The following RASA2 variants were observed in gnomAD, a reference collection of about 807,000 sequenced individuals.
The protein encoded by RASA2 is ras GTPase-activating protein 2.
RASA2 carries 155 observed loss-of-function variants against 118.2 expected under a neutral mutation model. That is an observed-to-expected ratio of 1.31 (90% CI 1.15 to 1.50). The LOEUF (loss-of-function observed/expected upper bound fraction) is 1.50, where lower values mean the gene tolerates loss of function less well. Ranked by LOEUF, RASA2 falls within the 40% of genes most tolerant of loss-of-function variation. RASA2 has a pLI of 0.00. For missense variants in RASA2, 1,016 were observed against 1,009.6 expected, an observed-to-expected ratio of 1.01 and a Z score of -0.09; for synonymous variants, 353 against 349.1, an observed-to-expected ratio of 1.01 and a Z score of -0.12.
intron 9 of RASA2, among the ~76,000 whole-genome samples, chr3:141,565,621 G>C (rs1029876795): frequency 1.3e-5 from 2 of 152,150 alleles, no homozygotes; most frequent in African/African-American, 4.8e-5. Flanking sequence ...CTTGCCTGCC[G>C]CATGTAAGAC....
intron 9 of RASA2, among the ~76,000 whole-genome samples, chr3:141,562,545 C>T (rs2082748381): frequency 4.4e-5 from 4 of 90,920 alleles, no homozygotes; most frequent in Non-Finnish European, 4.4e-5. Context: ...ATTGCGTGCA[C>T]CTGGGAGCGG....
At chr3:141,557,672 G>C (rs1346838578) in intron 7 of RASA2, among the ~76,000 whole-genome samples, 1 of 152,124 alleles carries the variant, frequency 6.6e-6, no homozygotes, top group East Asian at 1.9e-4. Flanking sequence ...TAGGGAGAAA[G>C]AACAAAGCTG....
chr3:141,521,600 T>C (rs1192599855), intron 3 of RASA2, among the ~76,000 whole-genome samples: 2 of 152,322 alleles, frequency 1.3e-5, no homozygotes, highest in East Asian at 3.9e-4. Context: ...GTTTTTTGTT[T>C]ATTTTGAAAG....
chr3:141,501,876 G>A (rs1256734170), intron 1 of RASA2, among the ~76,000 whole-genome samples: 1 of 150,244 alleles, frequency 6.7e-6, no homozygotes, highest in Non-Finnish European at 1.5e-5. Flanking sequence ...TTTTGTTGTT[G>A]TTGTGAATGT....
chr3:141,522,022 A>T (rs1262519280), intron 3 of RASA2, among the ~76,000 whole-genome samples: 1 of 152,094 alleles, frequency 6.6e-6, no homozygotes, highest in Non-Finnish European at 1.5e-5. Context: ...TAGAATTTAG[A>T]GAATCATCTT....
At chr3:141,524,905 T>G (rs887864638) in intron 3 of RASA2, among the ~76,000 whole-genome samples, 4 of 152,076 alleles carry the variant, frequency 2.6e-5, no homozygotes, top group African/African-American at 9.7e-5. Context: ...ACTGTTTTTA[T>G]CTCCTCTTTT....
rs372423104 is a variant in RASA2, at chr3:141,504,394, T to C, written c.134-7769T>C. On this transcript the variant is annotated intron_variant, in intron 1 of 23. Transcript: ENST00000286364. The stretch of plus-strand genomic sequence containing the variant: ...CTCAGATTTAATATTCAATACAGTC[T>C]CTTGAATTTGGTCCCCAACAAGAGG... Among the ~76,000 whole-genome samples the C allele has an allele frequency of 9.2e-5, 14 of 152,234 alleles. 1 individual carries two copies. In the East Asian group the frequency reaches 9.6e-4, roughly 10 times the overall value.
chr3:141,521,055 G>T (rs1328522837), intron 3 of RASA2, among the ~76,000 whole-genome samples: 3 of 152,208 alleles, frequency 2.0e-5, no homozygotes, highest in Non-Finnish European at 4.4e-5. Flanking sequence ...GTGAGAAGGG[G>T]AGAGGATGAC....
intron 1 of RASA2, 127 bp from the exon 2 acceptor site, chr3:141,512,036 T>C: frequency 1.5e-6 from 1 of 647,174 alleles, no homozygotes. Flanking sequence ...CTTTCTGTAA[T>C]CACTAGTGTT....
At position 141,487,086 on chromosome 3, in the gene RASA2, G is replaced by GGCGGCGGCGGCGCCTGCTGCT. The variant is rs1194909078; in HGVS notation, c.12_32dup (p.Ala5_Ala11dup). 3.4e-4 allele frequency: 458 copies of GGCGGCGGCGGCGCCTGCTGCT among 1,357,036 alleles called. No individual in the cohort carries two copies. The African/African-American group carries it at 4.8e-3, about 14-fold the overall frequency. The allele number at this position is 1,357,036 out of a possible 1,614,324, so 84.1% of individuals were successfully genotyped here. A position where few individuals can be genotyped will look rare whatever the true frequency, so the allele number is the denominator to read the frequency against. The stretch of plus-strand genomic sequence containing the variant: ...TGCGGCACGGGCCGGGCGGCACCAT[G>GGCGGCGGCGGCGCCTGCTGCT]GCGGCGGCGGCGCCTGCTGCTGCGG... On this transcript the variant is annotated inframe_insertion, in exon 1 of 24. Transcript: ENST00000286364.
Position 141,571,526 on chromosome 3 carries a change from G to A in RASA2, c.1141G>A (p.Val381Met), listed in dbSNP as rs762057353. The A allele has an allele frequency of 1.2e-6, 2 of 1,612,682 alleles. No individual in the cohort carries two copies. Among genetic ancestry groups the A allele is most frequent in the African/African-American group, 1.3e-5 (1 of 74,854 alleles). Residue 381 changes from valine (V) to methionine (M), a missense_variant, in exon 11 of 24, where the codon GTG (valine) becomes ATG (methionine). By Grantham distance (21) the Val-to-Met change is conservative (BLOSUM62 1). Coordinates refer to ENST00000286364, the MANE Select transcript of RASA2 (RefSeq NM_006506.5). ...TAAACTTGTTCCTTTTGCCACTGCT[G>A]TGGCTGAATTAGACTTGAAGGATAC... The part of the protein sequence containing the change: ...HDKLVPFATA[V>M]AELDLKDTQD...
At chr3:141,493,294 C>T (rs2081660637) in intron 1 of RASA2, among the ~76,000 whole-genome samples, 1 of 152,140 alleles carries the variant, frequency 6.6e-6, no homozygotes, top group African/African-American at 2.4e-5. Flanking sequence ...TTCTTAAGAA[C>T]TTTGTGAAGT....
At chr3:141,532,697 A>G (rs182133603) in intron 4 of RASA2, among the ~76,000 whole-genome samples, 155 of 152,304 alleles carry the variant, frequency 1.0e-3, no homozygotes, top group African/African-American at 3.4e-3. Flanking sequence ...TGACTACCGC[A>G]TAAAATAATT....
At position 141,549,389 on chromosome 3, in the gene RASA2, C is replaced by T. The variant is rs1371138449; in HGVS notation, c.528-4468C>T. 3.9e-5 allele frequency among the ~76,000 whole-genome samples: 6 copies of T among 152,236 alleles called. No homozygotes were observed. In the East Asian group the frequency reaches 1.2e-3, roughly 29 times the overall value. The stretch of plus-strand genomic sequence containing the variant: ...ACCTCATCTCTGCCCACCCATACCC[C>T]AGTCCTTTTTATCATTCCCATTCCT... On this transcript the variant is annotated intron_variant, in intron 5 of 23. Transcript: ENST00000286364.
At chr3:141,540,449 C>A in intron 4 of RASA2, 84 bp from the exon 5 acceptor site, 1 of 1,094,674 alleles carries the variant, frequency 9.1e-7, no homozygotes, top group Non-Finnish European at 1.4e-6. Context: ...TGGATAAATA[C>A]TGTGGTGATT....
intron 3 of RASA2, chr3:141,525,916 TA>T (rs997295730): frequency 1.3e-5 from 2 of 152,162 alleles, no homozygotes; most frequent in African/African-American, 4.8e-5. Context: ...ATCATTAAGT[TA>T]AAAGTCATTC....
intron 7 of RASA2, among the ~76,000 whole-genome samples, chr3:141,556,806 T>A (rs746175619): frequency 6.6e-6 from 1 of 152,026 alleles, no homozygotes; most frequent in Non-Finnish European, 1.5e-5. Flanking sequence ...CCTCTAGTCA[T>A]GCCTGATTGC....
chr3:141,580,909 T>C (rs537891755), intron 16 of RASA2, among the ~76,000 whole-genome samples, 191 bp from the exon 17 acceptor site: 4 of 151,552 alleles, frequency 2.6e-5, no homozygotes, highest in African/African-American at 9.7e-5. Context: ...TGCAGGACAG[T>C]CTGTCTGTCT....
At chr3:141,583,777 G>C (rs1052724235) in intron 17 of RASA2, among the ~76,000 whole-genome samples, 1 of 152,178 alleles carries the variant, frequency 6.6e-6, no homozygotes, top group Non-Finnish European at 1.5e-5. Context: ...TTCCACTTTA[G>C]AATAGGCACT....
Sources: gnomAD v4.1 joint callset for allele counts (sites outside exome capture counted in the v4.1 genomes callset) on GRCh38, gnomAD v4.1.1 for gene constraint, MANE v1.5 for transcripts, NCBI Gene and HGNC (gene_info 2026-07-23, HGNC 2026-07-21) for gene names.